The following NUP155 variants were observed in gnomAD, a reference collection of about 807,000 sequenced individuals.
NUP155 encodes the protein nucleoporin 155, also known as nuclear pore complex protein Nup155.
Under a neutral mutation model 180.4 loss-of-function variants are expected in NUP155, and 71 were observed. That is an observed-to-expected ratio of 0.39 (90% CI 0.33 to 0.48). The LOEUF (loss-of-function observed/expected upper bound fraction) is 0.48, where lower values mean the gene tolerates loss of function less well. Among genes scored for constraint, NUP155 ranks in the 20% least tolerant of loss-of-function variants. The pLI, the probability that NUP155 is intolerant of heterozygous loss-of-function variation, is 0.91. For missense variants in NUP155, 1,553 were observed against 1,648.9 expected, an observed-to-expected ratio of 0.94 and a Z score of 1.01; for synonymous variants, 582 against 559.5, an observed-to-expected ratio of 1.04 and a Z score of -0.57.
At chr5:37,347,682 G>A in intron 9 of NUP155, among the ~76,000 whole-genome samples, 1 of 127,910 alleles carries the variant, frequency 7.8e-6, no homozygotes, top group South Asian at 2.6e-4. Flanking sequence ...GACAACAAGA[G>A]TGAAACTCCA....
chr5:37,327,838 A>C, intron 17 of NUP155, 62 bp from the exon 18 acceptor site: 5 of 1,553,370 alleles, frequency 3.2e-6, no homozygotes, highest in Non-Finnish European at 4.4e-6. Context: ...TAAATCTCTT[A>C]ATCTTAATCT....
Position 37,309,236 on chromosome 5 carries a change from A to C in NUP155, c.2660T>G (p.Val887Gly), listed in dbSNP as rs770792486. 6.2e-6 allele frequency: 10 copies of C among 1,613,020 alleles called. No homozygotes were observed. In the Admixed American group the frequency reaches 1.7e-4, roughly 27 times the overall value. The part of the protein sequence containing the change: ...ANELLQRSRQ[V>G]QNKTEKERML... Reference sequence around the variant, plus strand: ...TCTTTCTTTTTCAGTCTTATTTTGAACTTGTCGGGAACGCTGGAGAAGCTC... The same window carrying C: ...TCTTTCTTTTTCAGTCTTATTTTGACCTTGTCGGGAACGCTGGAGAAGCTC... The change falls in exon 24 of 35, where the codon GTT (valine) becomes GGT (glycine). Residue 887 changes from valine (V) to glycine (G), a missense_variant. Coordinates refer to ENST00000231498, the MANE Select transcript of NUP155 (RefSeq NM_153485.3).
At chr5:37,366,032 C>T (rs1055005450) in intron 1 of NUP155, among the ~76,000 whole-genome samples, 4 of 151,828 alleles carry the variant, frequency 2.6e-5, no homozygotes, top group Admixed American at 2.6e-4. Flanking sequence ...CCCAAGACCA[C>T]TAAGACAAAT....
At chr5:37,301,225 T>G in intron 30 of NUP155, 1 of 498,636 alleles carries the variant, frequency 2.0e-6, no homozygotes, top group South Asian at 2.1e-5. Flanking sequence ...AGGTTCTTTG[T>G]AGCTACTGGC....
chr5:37,327,820 A>G, intron 17 of NUP155, 44 bp from the exon 18 acceptor site: 1 of 1,594,810 alleles, frequency 6.3e-7, no homozygotes, highest in East Asian at 2.2e-5. Flanking sequence ...TCTTAATCTT[A>G]GAACCCATAA....
At chr5:37,328,571 T>C (rs2150964604) in intron 16 of NUP155, 151 bp from the exon 17 acceptor site, 1 of 626,508 alleles carries the variant, frequency 1.6e-6, no homozygotes, top group South Asian at 1.7e-5. Flanking sequence ...TGGCATGATC[T>C]CGGCTCACTG....
chr5:37,310,713 AGGT>A lies in NUP155; in HGVS notation c.2464_2466del (p.Thr822del). 1 of 1,613,842 alleles carries A rather than the reference AGGT, an allele frequency of 6.2e-7. No individual in the cohort carries two copies. The highest frequency in any genetic ancestry group is 2.2e-5 in the East Asian group (1 of 44,818). On this transcript the variant is annotated inframe_deletion, in exon 23 of 35. Transcript: ENST00000231498. ...TTGTCCCTGATTACAAGATCTTTAA[AGGT>A]GGTGATCTTCAGCTGCTCTTGAAGT... is the stretch of plus-strand genomic sequence containing the variant.
At chr5:37,321,359 C>T (rs1251647998) in intron 20 of NUP155, among the ~76,000 whole-genome samples, 3 of 150,774 alleles carry the variant, frequency 2.0e-5, no homozygotes, top group Non-Finnish European at 4.4e-5. Flanking sequence ...AAAAACCAAA[C>T]CAAAACAATA....
intron 6 of NUP155, 148 bp from the exon 7 acceptor site, chr5:37,350,413 A>G (rs1746379464): frequency 1.3e-5 from 8 of 629,228 alleles, no homozygotes; most frequent in Non-Finnish European, 2.3e-5. Flanking sequence ...AAAACGAGAC[A>G]TATTATTCAA....
chr5:37,299,484 A>G lies in NUP155; in HGVS notation c.3646T>C (p.Leu1216=), dbSNP rs1742751121. The G allele has an allele frequency of 6.2e-7, 1 of 1,614,112 alleles. No individual in the cohort carries two copies. The highest frequency in any genetic ancestry group is 8.5e-7 in the Non-Finnish European group (1 of 1,179,986). ...ATATCTTGCCAAAGTGTCTGCACCA[A>G]TATAGGGTCTGAATAACCGGCACAA... ...IHCAGYSDPI[L]VQTLWQDIIE... is the part of the protein sequence containing the mutation. Residue 1216 remains leucine (L), a synonymous_variant, in exon 31 of 35, where the codon TTG becomes CTG. Coordinates refer to ENST00000231498, the MANE Select transcript of NUP155 (RefSeq NM_153485.3).
In NUP155 at chr5:37,370,666, C is replaced by A. The variant is rs568405553; in HGVS notation, c.157+155G>T. ...GAAGAAAGTGAGGAAAGGAAAAAAC[C>A]TGAAAAGAAGCTGCTTGCTGTTCTC... On this transcript the variant is annotated intron_variant, in intron 1 of 34. Coordinates refer to ENST00000231498, the MANE Select transcript of NUP155 (RefSeq NM_153485.3). 558 of 1,595,786 alleles carry A rather than the reference C, an allele frequency of 3.5e-4. 3 individuals are homozygous for A. In the South Asian group the frequency reaches 6.1e-3, roughly 17 times the overall value.
rs753668943 is a variant in NUP155, at chr5:37,292,056, CAT to C, written c.4038-20_4038-19del. On this transcript the variant is annotated intron_variant, in intron 34 of 34. Transcript: ENST00000231498. ...ATCTTCTCCTACAACGAAAAAGACA[CAT>C]GATTAATTATACATTTACAAACATT... is the stretch of plus-strand genomic sequence containing the variant. The C allele has an allele frequency of 6.2e-7, 1 of 1,613,464 alleles. No individual in the cohort carries two copies.
intron 21 of NUP155, among the ~76,000 whole-genome samples, chr5:37,315,189 G>A (rs942144823): frequency 8.5e-5 from 13 of 152,178 alleles, no homozygotes; most frequent in Non-Finnish European, 1.9e-4. Context: ...CCAAGATTGT[G>A]CCAATGCACT....
At chr5:37,349,644 C>T (rs1484145823) in intron 7 of NUP155, among the ~76,000 whole-genome samples, 2 of 152,040 alleles carry the variant, frequency 1.3e-5, no homozygotes, top group Non-Finnish European at 2.9e-5. Flanking sequence ...ATACCTGGTC[C>T]TTTATGTTAA....
rs1743082811 is a variant in NUP155, at chr5:37,305,168, C to T, written c.2946G>A (p.Leu982=). 6.2e-7 allele frequency: 1 copy of T among 1,613,684 alleles called. No individual in the cohort carries two copies. Residue 982 remains leucine (L), a synonymous_variant, in exon 26 of 35, where the codon CTG becomes CTA. Transcript: ENST00000231498. ...YKCITDTLQE[L]VNQSKAAPQS... Reference sequence around the variant, plus strand: ...GAGGAGCGGCCTTACTTTGATTTACCAGTTCTTGAAGTGTGTCTGTAATGC... The same window carrying T: ...GAGGAGCGGCCTTACTTTGATTTACTAGTTCTTGAAGTGTGTCTGTAATGC...
At chr5:37,335,512 C>T (rs1050121147) in intron 12 of NUP155, among the ~76,000 whole-genome samples, 1 of 151,980 alleles carries the variant, frequency 6.6e-6, no homozygotes, top group African/African-American at 2.4e-5. Context: ...GTTAGCAGTT[C>T]GCCATATCTG....
chr5:37,320,447 C>T (rs1454737495), intron 20 of NUP155, among the ~76,000 whole-genome samples: 1 of 152,196 alleles, frequency 6.6e-6, no homozygotes, highest in African/African-American at 2.4e-5. Flanking sequence ...CATCGCACTC[C>T]AGCCTAGGTA....
intron 32 of NUP155, among the ~76,000 whole-genome samples, chr5:37,297,762 C>G (rs1742663247): frequency 6.6e-6 from 1 of 151,984 alleles, no homozygotes; most frequent in South Asian, 2.1e-4. Flanking sequence ...TGTATTTGCT[C>G]TTTTATTTCT....
chr5:37,311,616 T>C (rs1230995208), intron 22 of NUP155, among the ~76,000 whole-genome samples: 1 of 151,678 alleles, frequency 6.6e-6, no homozygotes, highest in Non-Finnish European at 1.5e-5. Flanking sequence ...AGTCAAAAAG[T>C]AAGTGTTTCA....
Sources: allele counts gnomAD v4.1 joint callset (sites outside exome capture counted in the v4.1 genomes callset), GRCh38; gene constraint gnomAD v4.1.1; transcripts MANE v1.5; gene names NCBI Gene and HGNC (gene_info 2026-07-23, HGNC 2026-07-21).